The following FAM184A variants were observed in gnomAD, a reference collection of about 807,000 sequenced individuals.
FAM184A encodes the protein protein FAM184A.
A neutral mutation model predicts 143.8 loss-of-function variants in FAM184A; 99 were observed. The ratio of observed to expected loss-of-function variants is 0.69; its 90% confidence interval spans 0.58 to 0.81. The LOEUF is 0.81. Ranked by LOEUF, FAM184A falls within the 40% of genes least tolerant of loss-of-function variation. The pLI is 0.00. For synonymous variants in FAM184A, 427 were observed against 446.4 expected (o/e 0.96, Z 0.55); for missense variants, 1,217 against 1,310.5 (o/e 0.93, Z 1.10).
chr6:118,973,132 G>A (rs1457910218), intron 14 of FAM184A, among the ~76,000 whole-genome samples: 3 of 152,104 alleles, frequency 2.0e-5, no homozygotes, highest in African/African-American at 7.2e-5. Flanking sequence ...CTAATGTAAC[G>A]ATTCTGAATA....
At chr6:119,099,500 A>C (rs757640483) in intron 1 of FAM184A, among the ~76,000 whole-genome samples, 3 of 152,124 alleles carry the variant, frequency 2.0e-5, no homozygotes, top group Non-Finnish European at 2.9e-5. Context: ...CCATCTCAAT[A>C]AGACCCCCAT....
chr6:118,979,288 G>T, intron 11 of FAM184A, 77 bp downstream of exon 11: 1 of 1,368,228 alleles, frequency 7.3e-7, no homozygotes, highest in Non-Finnish European at 9.9e-7. Flanking sequence ...AATAAAACTT[G>T]GTGATTTTAT....
intron 1 of FAM184A, among the ~76,000 whole-genome samples, chr6:119,130,691 G>T (rs1237574411): frequency 6.6e-6 from 1 of 151,416 alleles, no homozygotes; most frequent in African/African-American, 2.4e-5. Context: ...TTAAACAAAC[G>T]TCAAATTGCC....
At position 119,077,294 on chromosome 6, in the gene FAM184A, C is replaced by T. The variant is rs74532529; in HGVS notation, c.159+847G>A. 5.8e-4 allele frequency among the ~76,000 whole-genome samples: 88 copies of T among 152,232 alleles called. No individual in the cohort carries two copies. The East Asian group carries it at 0.015, about 27-fold the overall frequency. ...CTCCTAACAAGCTGTTAGGAGACAG[C>T]TTAAACACATTAAGGTATATCATCT... On this transcript the variant is annotated intron_variant, in intron 1 of 17. Coordinates refer to ENST00000338891, the MANE Select transcript of FAM184A (RefSeq NM_024581.6).
intron 9 of FAM184A, among the ~76,000 whole-genome samples, chr6:118,995,410 C>T (rs576232479): frequency 3.3e-5 from 5 of 152,120 alleles, no homozygotes; most frequent in South Asian, 2.1e-4. Context: ...CAGAGTGAGA[C>T]CCTGTCTCCA....
At chr6:118,962,432 G>GAAA in intron 16 of FAM184A, 1 of 144,134 alleles carries the variant, frequency 6.9e-6, no homozygotes, top group Non-Finnish European at 1.5e-5. Flanking sequence ...TTCTTGCCTG[G>GAAA]AAAAAAAAAA....
intron 1 of FAM184A, among the ~76,000 whole-genome samples, chr6:119,037,892 T>C (rs1314627525): frequency 6.6e-6 from 1 of 152,208 alleles, no homozygotes; most frequent in Non-Finnish European, 1.5e-5. Context: ...ACTCTTATCT[T>C]GGATAAAGTT....
At chr6:119,064,056 TG>T (rs1787353644) in intron 1 of FAM184A, among the ~76,000 whole-genome samples, 2 of 152,170 alleles carry the variant, frequency 1.3e-5, no homozygotes, top group Non-Finnish European at 2.9e-5. Flanking sequence ...TATCCACCTC[TG>T]AAGTCTTCAT....
chr6:119,096,164 A>G (rs9401121), intron 1 of FAM184A, among the ~76,000 whole-genome samples: 1 of 151,934 alleles, frequency 6.6e-6, no homozygotes, highest in Admixed American at 6.6e-5. Flanking sequence ...GTATTCTGAT[A>G]AGTGGCTTGA....
At chr6:119,035,697 T>A (rs1239853530) in intron 1 of FAM184A, among the ~76,000 whole-genome samples, 1 of 152,110 alleles carries the variant, frequency 6.6e-6, no homozygotes, top group African/African-American at 2.4e-5. Context: ...CACAACCTTA[T>A]CTTAACCCAG....
intron 1 of FAM184A, among the ~76,000 whole-genome samples, chr6:119,118,574 C>T (rs569595866): frequency 1.2e-4 from 19 of 152,234 alleles, no homozygotes; most frequent in Non-Finnish European, 1.8e-4. Flanking sequence ...TAATTTCTTA[C>T]GCCTGTCTTT....
At chr6:119,124,948 C>T (rs1020133270) in intron 1 of FAM184A, among the ~76,000 whole-genome samples, 3 of 152,094 alleles carry the variant, frequency 2.0e-5, no homozygotes, top group African/African-American at 7.2e-5. Context: ...ACATAAAAAT[C>T]CCAGGGATCC....
chr6:119,047,313 C>A (rs556800791), intron 1 of FAM184A, among the ~76,000 whole-genome samples: 2 of 152,268 alleles, frequency 1.3e-5, no homozygotes, highest in East Asian at 3.9e-4. Flanking sequence ...CTATGAAGGG[C>A]AGTTTGGAGG....
At chr6:119,131,656 A>T (rs1290224363) in intron 1 of FAM184A, among the ~76,000 whole-genome samples, 4 of 151,664 alleles carry the variant, frequency 2.6e-5, no homozygotes, top group African/African-American at 9.7e-5. Context: ...AGACTAATTT[A>T]AAAAATTTTT....
At chr6:119,058,175 CTTTTTTTTTT>C (rs5879483) in intron 1 of FAM184A, among the ~76,000 whole-genome samples, 4 of 89,716 alleles carry the variant, frequency 4.5e-5, no homozygotes, top group Admixed American at 1.2e-4. Flanking sequence ...CTCCTTCTCT[CTTTTTTTTTT>C]TTTTTTTTTT....
intron 6 of FAM184A, among the ~76,000 whole-genome samples, chr6:119,008,892 T>C (rs1313739007): frequency 2.0e-5 from 3 of 152,224 alleles, no homozygotes; most frequent in African/African-American, 7.2e-5. Flanking sequence ...TCAAAATCTT[T>C]CATGGGGCTT....
chr6:119,089,515 C>T (rs1041619370), intron 1 of FAM184A, among the ~76,000 whole-genome samples: 1 of 152,148 alleles, frequency 6.6e-6, no homozygotes, highest in Non-Finnish European at 1.5e-5. Context: ...ATTGCCCAGG[C>T]TGGTCCTGAA....
At chr6:119,054,933 C>T (rs73767236) in intron 1 of FAM184A, among the ~76,000 whole-genome samples, 3,454 of 152,024 alleles carry the variant, frequency 0.023, 121 homozygotes, top group African/African-American at 0.079. Flanking sequence ...TTAAAGTGTA[C>T]AATTCAGTGG....
intron 1 of FAM184A, among the ~76,000 whole-genome samples, chr6:119,044,583 T>C (rs1450786032): frequency 6.7e-6 from 1 of 149,778 alleles, no homozygotes; most frequent in Non-Finnish European, 1.5e-5. Context: ...AACTTGTCTC[T>C]CTTTAATTAA....
Sources: gnomAD v4.1 joint callset for allele counts (sites outside exome capture counted in the v4.1 genomes callset) on GRCh38, gnomAD v4.1.1 for gene constraint, MANE v1.5 for transcripts, NCBI Gene and HGNC (gene_info 2026-07-23, HGNC 2026-07-21) for gene names.